GRM1: variants seen among roughly 807,000 people sequenced by gnomAD.
GRM1 encodes the protein glutamate metabotropic receptor 1, also known as metabotropic glutamate receptor 1.
Under a neutral mutation model 90.9 loss-of-function variants are expected in GRM1, and 33 were observed. The ratio of observed to expected loss-of-function variants is 0.36; its 90% CI spans 0.28 to 0.49. The LOEUF (loss-of-function observed/expected upper bound fraction) is 0.49. Ranked by LOEUF, GRM1 falls within the 20% of genes least tolerant of loss-of-function variation. The pLI is 0.99. For missense variants in GRM1, 1,190 were observed against 1,534.3 expected, an observed-to-expected ratio of 0.78 and a Z score of 3.75; for synonymous variants, 700 against 613.2, an observed-to-expected ratio of 1.14 and a Z score of -2.09.
chr6:146,131,865 T>G (rs114959711), intron 1 of GRM1, among the ~76,000 whole-genome samples: 1 of 151,794 alleles, frequency 6.6e-6, no homozygotes. Flanking sequence ...ATAAACGGAG[T>G]GTGGTGAAGA....
chr6:146,419,576 G>A (rs1021683300), intron 7 of GRM1, among the ~76,000 whole-genome samples: 1 of 152,162 alleles, frequency 6.6e-6, no homozygotes, highest in African/African-American at 2.4e-5. Flanking sequence ...CCTGAGACTA[G>A]GTAATTTATG....
intron 2 of GRM1, among the ~76,000 whole-genome samples, chr6:146,259,357 G>A (rs2114786315): frequency 6.6e-6 from 1 of 152,218 alleles, no homozygotes; most frequent in South Asian, 2.1e-4. Context: ...AAATTTAAGT[G>A]CATTATATAG....
intron 4 of GRM1, among the ~76,000 whole-genome samples, chr6:146,355,657 G>A (rs1263603936): frequency 1.3e-5 from 2 of 152,038 alleles, no homozygotes; most frequent in African/African-American, 4.8e-5. Context: ...TCCTTGTCTA[G>A]ATTGAAAAAC....
rs1174163930 is a variant in GRM1 at position 146,029,493 on chromosome 6, G to A, written c.-25G>A. ...GACCAGCGTGGGAACGCGGCTGGCA[G>A]GCTGTGGACCTCGTCCTCACCACCA... On this transcript the variant is annotated 5_prime_UTR_variant, in exon 1 of 8. Transcript: ENST00000282753. The A allele has an allele frequency of 6.3e-7, 1 of 1,578,132 alleles. No individual in the cohort carries two copies. Among genetic ancestry groups the A allele is most frequent in the Non-Finnish European group, 8.7e-7 (1 of 1,147,248 alleles).
chr6:146,062,071 A>G (rs1473768835), intron 1 of GRM1, among the ~76,000 whole-genome samples: 4 of 152,064 alleles, frequency 2.6e-5, no homozygotes, highest in Admixed American at 2.6e-4. Flanking sequence ...CACTGTTCAC[A>G]AGAGCAGAGT....
chr6:146,038,221 T>C (rs1790963063), intron 1 of GRM1, among the ~76,000 whole-genome samples: 1 of 151,936 alleles, frequency 6.6e-6, no homozygotes, highest in African/African-American at 2.4e-5. Context: ...AGATGACACA[T>C]GGTCAGACAT....
intron 7 of GRM1, among the ~76,000 whole-genome samples, chr6:146,422,921 G>C (rs1183662973): frequency 6.6e-6 from 1 of 151,450 alleles, no homozygotes; most frequent in African/African-American, 2.4e-5. Context: ...AAAAAGGAAT[G>C]GGAAGAGGAG....
At chr6:146,256,323 C>T (rs1167442799) in intron 2 of GRM1, among the ~76,000 whole-genome samples, 2 of 152,150 alleles carry the variant, frequency 1.3e-5, no homozygotes, top group Admixed American at 6.6e-5. Context: ...ACCAGGGAAA[C>T]AGAGGCCCTT....
At chr6:146,105,008 T>C (rs1027555038) in intron 1 of GRM1, among the ~76,000 whole-genome samples, 2 of 152,206 alleles carry the variant, frequency 1.3e-5, no homozygotes, top group Non-Finnish European at 2.9e-5. Flanking sequence ...TAAAGTCCTC[T>C]TTCTTGACCT....
chr6:146,048,922 A>G (rs1380008848), intron 1 of GRM1, among the ~76,000 whole-genome samples: 2 of 151,960 alleles, frequency 1.3e-5, no homozygotes, highest in Non-Finnish European at 2.9e-5. Context: ...CTGTGAGAGA[A>G]TAAATTTTTG....
chr6:146,128,241 G>A (rs769871294), intron 1 of GRM1, among the ~76,000 whole-genome samples: 7 of 152,124 alleles, frequency 4.6e-5, no homozygotes, highest in African/African-American at 7.2e-5. Context: ...TATAATTCAC[G>A]TTGTAGGAAG....
At chr6:146,409,782 T>C (rs77705926) in intron 7 of GRM1, among the ~76,000 whole-genome samples, 1,936 of 152,278 alleles carry the variant, frequency 0.013, 47 homozygotes, top group African/African-American at 0.045. Context: ...AGGGAAGCCT[T>C]CTATAACTGA....
intron 1 of GRM1, among the ~76,000 whole-genome samples, chr6:146,157,207 T>C (rs966753035): frequency 2.0e-5 from 3 of 151,790 alleles, no homozygotes; most frequent in African/African-American, 7.3e-5. Context: ...TACTGAGGAG[T>C]GACCAGTGAA....
chr6:146,132,759 G>GA (rs1776458409), intron 1 of GRM1, among the ~76,000 whole-genome samples: 1 of 152,058 alleles, frequency 6.6e-6, no homozygotes, highest in African/African-American at 2.4e-5. Flanking sequence ...TTCTTAACTG[G>GA]GTGTAGATAT....
intron 2 of GRM1, among the ~76,000 whole-genome samples, chr6:146,253,172 T>C (rs1781362551): frequency 6.6e-6 from 1 of 152,240 alleles, no homozygotes; most frequent in Admixed American, 6.5e-5. Flanking sequence ...AATTATGCTC[T>C]GTTCTGCTTT....
chr6:146,071,538 A>G (rs1292589538), intron 1 of GRM1, among the ~76,000 whole-genome samples: 1 of 152,132 alleles, frequency 6.6e-6, no homozygotes, highest in East Asian at 1.9e-4. Context: ...GAAAGGCAAG[A>G]CTTTTTGGAA....
Position 146,085,017 on chromosome 6 carries a change from G to A in GRM1, c.700+54800G>A, listed in dbSNP as rs1167502378. Among the ~76,000 whole-genome samples, 4 of 152,132 alleles carry A rather than the reference G, an allele frequency of 2.6e-5. No individual in the cohort carries two copies. The East Asian group carries it at 7.7e-4, about 29-fold the overall frequency. On this transcript the variant is annotated intron_variant, in intron 1 of 7. Coordinates refer to ENST00000282753, the MANE Select transcript of GRM1 (RefSeq NM_001278064.2). ...CTTTTCTCTTACAGAAGCATGTTAAGTGTCTCCATTTAGTCATGCCATTTT... is the reference window on the plus strand; with the variant it reads ...CTTTTCTCTTACAGAAGCATGTTAAATGTCTCCATTTAGTCATGCCATTTT...
intron 7 of GRM1, among the ~76,000 whole-genome samples, chr6:146,411,617 A>G (rs186327664): frequency 3.9e-4 from 60 of 152,312 alleles, no homozygotes; most frequent in Middle Eastern, 3.4e-3. Flanking sequence ...TATGAGCCTG[A>G]GCTCCAGGAG....
chr6:146,360,008 C>T (rs900884400), intron 5 of GRM1, among the ~76,000 whole-genome samples: 9 of 152,032 alleles, frequency 5.9e-5, no homozygotes, highest in Admixed American at 4.6e-4. Flanking sequence ...GTCGTATTTA[C>T]CAAATAATAT....
Sources: allele counts gnomAD v4.1 joint callset (sites outside exome capture counted in the v4.1 genomes callset), GRCh38; gene constraint gnomAD v4.1.1; transcripts MANE v1.5; gene names NCBI Gene and HGNC (gene_info 2026-07-23, HGNC 2026-07-21).